NAA16: variants seen among roughly 807,000 people sequenced by gnomAD.
The protein encoded by NAA16 is N-alpha-acetyltransferase 16, NatA auxiliary subunit.
In NAA16, 97 loss-of-function variants were observed where a neutral mutation model predicts 110.3. That is an observed-to-expected ratio of 0.88 (90% confidence interval 0.75 to 1.04). NAA16 has a LOEUF of 1.04. Among genes scored for constraint, NAA16 ranks in the 50% least tolerant of loss-of-function variants. NAA16 has a pLI of 0.00. For synonymous variants in NAA16, 372 were observed against 330.6 expected, an observed-to-expected ratio of 1.13 and a Z score of -1.36; for missense variants, 1,017 against 1,005.1, an observed-to-expected ratio of 1.01 and a Z score of -0.16.
intron 9 of NAA16, among the ~76,000 whole-genome samples, chr13:41,347,046 A>G (rs1326255832): frequency 1.3e-5 from 2 of 151,850 alleles, no homozygotes; most frequent in East Asian, 1.9e-4. Flanking sequence ...GTGAAACCCC[A>G]TCTCTACTAA....
intron 17 of NAA16, chr13:41,373,349 C>T (rs1296239400): frequency 1.4e-5 from 5 of 351,128 alleles, no homozygotes; most frequent in African/African-American, 2.2e-5. Flanking sequence ...CCTCCACCTC[C>T]CGGGTTCAAG....
At chr13:41,345,610 C>G (rs2042660898) in intron 9 of NAA16, among the ~76,000 whole-genome samples, 1 of 152,000 alleles carries the variant, frequency 6.6e-6, no homozygotes, top group South Asian at 2.1e-4. Flanking sequence ...GAGGCAAGGT[C>G]TCACTCTTGT....
rs193262855 is a variant in NAA16 at position 41,356,322 on chromosome 13, C to T, written c.1087+1106C>T. Among the ~76,000 whole-genome samples, 205 of 152,316 alleles carry T rather than the reference C, an allele frequency of 1.3e-3. 3 individuals carry two copies. Among genetic ancestry groups the T allele is most frequent in the Middle Eastern group, 3.4e-3 (1 of 294 alleles). On this transcript the variant is annotated intron_variant, in intron 10 of 19. Coordinates refer to ENST00000379406, the MANE Select transcript of NAA16 (RefSeq NM_024561.5). ...GATTACAGGTGTGAGCTGCCACACC[C>T]TCTATGAGTTTTTTTAAGGCACATT...
At position 41,314,705 on chromosome 13, in the gene NAA16, G is replaced by A. The variant is rs2041761769; in HGVS notation, c.55-2141G>A. ...GGCAATGCAGCAGTATGTAAAATAG[G>A]CTAAGGCCGGCGCAGTGGCTCATGC... On this transcript the variant is annotated intron_variant, in intron 1 of 19. Transcript: ENST00000379406. Among the ~76,000 whole-genome samples the A allele has an allele frequency of 2.0e-5, 3 of 152,122 alleles. 1 individual carries two copies. In the South Asian group the frequency reaches 6.2e-4, roughly 31 times the overall value.
At chr13:41,318,939 A>T in intron 3 of NAA16, 29 bp downstream of exon 3, 2 of 1,377,668 alleles carry the variant, frequency 1.5e-6, no homozygotes. Context: ...TAAATAGTTT[A>T]TGTTTTAGCT....
intron 7 of NAA16, among the ~76,000 whole-genome samples, chr13:41,330,225 C>T (rs928753414): frequency 1.3e-5 from 2 of 151,472 alleles, no homozygotes; most frequent in East Asian, 3.9e-4. Context: ...CCACACATAT[C>T]CTTGGTCTTA....
At chr13:41,347,734 A>C (rs1253156571) in intron 9 of NAA16, among the ~76,000 whole-genome samples, 1 of 152,202 alleles carries the variant, frequency 6.6e-6, no homozygotes, top group African/African-American at 2.4e-5. Flanking sequence ...TCGTTGCTAT[A>C]GATGTTTTAA....
At chr13:41,345,577 G>T (rs2139455586) in intron 9 of NAA16, among the ~76,000 whole-genome samples, 1 of 151,970 alleles carries the variant, frequency 6.6e-6, no homozygotes, top group East Asian at 1.9e-4. Flanking sequence ...GTTTTTTTAG[G>T]TTTTTTCGTT....
chr13:41,327,534 G>A (rs1417831175), intron 6 of NAA16, among the ~76,000 whole-genome samples: 1 of 151,698 alleles, frequency 6.6e-6, no homozygotes, highest in African/African-American at 2.4e-5. Context: ...AGGGAATGCA[G>A]TTTTTGAAAA....
Position 41,331,238 on chromosome 13 carries a change from G to C in NAA16, c.812-36G>C, listed in dbSNP as rs554872630. ...GCATTTTACCATAGATAAAAGTTTT[G>C]ATGCTATGAATCTCACCCATATTTA... On this transcript the variant is annotated intron_variant, in intron 7 of 19. Coordinates refer to ENST00000379406, the MANE Select transcript of NAA16 (RefSeq NM_024561.5). The C allele has an allele frequency of 2.6e-4, 334 of 1,278,742 alleles. 4 individuals are homozygous for C. In the South Asian group the frequency reaches 4.2e-3, roughly 16 times the overall value. The allele number at this position is 1,278,742 out of a possible 1,614,324, so 79.2% of individuals were successfully genotyped here.
chr13:41,329,949 C>T (rs1461426742), intron 7 of NAA16, among the ~76,000 whole-genome samples: 3 of 151,878 alleles, frequency 2.0e-5, no homozygotes, highest in African/African-American at 7.2e-5. Context: ...CTTTCCTTCC[C>T]CGTGGTAAGT....
At chr13:41,353,160 G>T (rs927536649) in intron 9 of NAA16, among the ~76,000 whole-genome samples, 45 of 138,042 alleles carry the variant, frequency 3.3e-4, no homozygotes, top group African/African-American at 1.2e-3. Flanking sequence ...CCCTAGAGAT[G>T]CATAAACGTC....
At chr13:41,319,532 G>C (rs182198229) in intron 3 of NAA16, among the ~76,000 whole-genome samples, 30 of 151,196 alleles carry the variant, frequency 2.0e-4, no homozygotes, top group Admixed American at 1.1e-3. Flanking sequence ...TTTGTTTTTT[G>C]GGGGGAGGGA....
rs190455058 is a variant in NAA16 at position 41,331,634 on chromosome 13, A to G, written c.907+265A>G. Among the ~76,000 whole-genome samples, 260 of 152,252 alleles carry G rather than the reference A, an allele frequency of 1.7e-3. 1 individual carries two copies. The highest frequency in any genetic ancestry group is 0.012 in the South Asian group (57 of 4,828). ...AGAGGTAGAAAGAATGATAGATATC[A>G]GAGCTGGCAAGGGGAGTGTGGGGGA... is the stretch of plus-strand genomic sequence containing the variant. On this transcript the variant is annotated intron_variant, in intron 8 of 19. Transcript: ENST00000379406.
intron 1 of NAA16, among the ~76,000 whole-genome samples, chr13:41,312,798 A>G (rs1041492472): frequency 6.6e-6 from 1 of 152,056 alleles, no homozygotes; most frequent in African/African-American, 2.4e-5. Flanking sequence ...TAAAAATTTT[A>G]AATATTATGT....
At chr13:41,348,057 G>C (rs1306140430) in intron 9 of NAA16, among the ~76,000 whole-genome samples, 1 of 151,936 alleles carries the variant, frequency 6.6e-6, no homozygotes, top group Non-Finnish European at 1.5e-5. Context: ...GTCTGTTACT[G>C]AGTTCTGTCA....
chr13:41,332,271 G>C (rs901211229), intron 8 of NAA16, among the ~76,000 whole-genome samples: 2 of 152,132 alleles, frequency 1.3e-5, no homozygotes, highest in African/African-American at 4.8e-5. Context: ...CATTCCCTCA[G>C]AGTTAACCAC....
chr13:41,343,701 A>C (rs1408278393), intron 9 of NAA16, among the ~76,000 whole-genome samples: 1 of 151,736 alleles, frequency 6.6e-6, no homozygotes, highest in African/African-American at 2.4e-5. Flanking sequence ...GGCTAATTTT[A>C]TTTTATTTTT....
At chr13:41,312,076 C>T (rs965122941) in intron 1 of NAA16, among the ~76,000 whole-genome samples, 4 of 152,204 alleles carry the variant, frequency 2.6e-5, no homozygotes, top group African/African-American at 7.2e-5. Context: ...GGAATTTTTC[C>T]TGGTTACGAG....
Sources: allele counts gnomAD v4.1 joint callset (sites outside exome capture counted in the v4.1 genomes callset), GRCh38; gene constraint gnomAD v4.1.1; transcripts MANE v1.5; gene names NCBI Gene and HGNC (gene_info 2026-07-23, HGNC 2026-07-21).